The following UNC5B variants were observed in gnomAD, a reference collection of about 807,000 sequenced individuals.
UNC5B encodes netrin receptor UNC5B.
In UNC5B, 56 loss-of-function variants were observed where a neutral mutation model predicts 103.7. The ratio of observed to expected loss-of-function variants is 0.54; its 90% confidence interval spans 0.44 to 0.67. The LOEUF (loss-of-function observed/expected upper bound fraction) is 0.67. Among genes scored for constraint, UNC5B ranks in the 30% least tolerant of loss-of-function variants. The pLI, the probability that UNC5B is intolerant of heterozygous loss-of-function variation, is 0.00. For missense variants in UNC5B, 1,194 were observed against 1,284.5 expected (o/e 0.93, Z 1.08); for synonymous variants, 577 against 542.0 (o/e 1.06, Z -0.90).
chr10:71,243,507 A>G (rs2132261574), intron 1 of UNC5B, among the ~76,000 whole-genome samples: 1 of 152,346 alleles, frequency 6.6e-6, no homozygotes, highest in East Asian at 1.9e-4. Flanking sequence ...AAGTTTAAAC[A>G]GCCACATATG....
chr10:71,293,534 CTTTCAG>C lies in UNC5B; in HGVS notation c.1903_1908del (p.Phe635_Gln636del). 1 of 1,613,984 alleles carries C rather than the reference CTTTCAG, an allele frequency of 6.2e-7. No homozygotes were observed. The highest frequency in any genetic ancestry group is 8.5e-7 in the Non-Finnish European group (1 of 1,180,028). On this transcript the variant is annotated inframe_deletion, in exon 12 of 17. Coordinates refer to ENST00000335350, the MANE Select transcript of UNC5B (RefSeq NM_170744.5). ...CCGAAGTCAGTGCCCGTGACTGGAT[CTTTCAG>C]CTCAAGACCCAGGCCCACCAGGGCC...
In UNC5B at chr10:71,296,586, C is replaced by T. The variant is rs749551715; in HGVS notation, c.2334C>T (p.Pro778=). ...SKLLAKYQEI[P]FYHIWSGSQK... is the part of the protein sequence containing the mutation. ...ACCCCCTCCTCCTGCAGGAGATCCC[C>T]TTCTATCACATTTGGAGTGGCAGCC... is the stretch of plus-strand genomic sequence containing the variant. Residue 778 remains proline (P), a synonymous_variant, in exon 15 of 17, where the codon CCC becomes CCT. Transcript: ENST00000335350. 24 of 1,613,714 alleles carry T rather than the reference C, an allele frequency of 1.5e-5. 1 individual carries two copies. In the African/African-American group the frequency reaches 2.4e-4, roughly 16 times the overall value.
At chr10:71,297,761 G>A in intron 15 of UNC5B, 148 bp from the exon 16 acceptor site, 1 of 908,460 alleles carries the variant, frequency 1.1e-6, no homozygotes, top group South Asian at 2.0e-5. Flanking sequence ...ACCCTTCAAG[G>A]GAGAAGCCCC....
intron 1 of UNC5B, among the ~76,000 whole-genome samples, chr10:71,257,534 C>T (rs1418586923): frequency 6.6e-6 from 1 of 152,254 alleles, no homozygotes; most frequent in East Asian, 1.9e-4. Context: ...AGGCATATCC[C>T]TGACTGGGTG....
At chr10:71,279,692 G>A (rs1348394156) in intron 1 of UNC5B, 129 bp from the exon 2 acceptor site, 3 of 969,516 alleles carry the variant, frequency 3.1e-6, no homozygotes, top group South Asian at 3.3e-5. Context: ...ACGTCCCCAG[G>A]AGGGCTCTGG....
At chr10:71,216,146 ACT>A (rs1248131066) in intron 1 of UNC5B, among the ~76,000 whole-genome samples, 1 of 152,032 alleles carries the variant, frequency 6.6e-6, no homozygotes, top group Non-Finnish European at 1.5e-5. Flanking sequence ...TCACACTGGG[ACT>A]CACCGGTAGC....
At chr10:71,250,074 C>A (rs991392966) in intron 1 of UNC5B, among the ~76,000 whole-genome samples, 4 of 152,238 alleles carry the variant, frequency 2.6e-5, no homozygotes, top group African/African-American at 9.6e-5. Flanking sequence ...GGCATCTCAC[C>A]ACTCTTGAGC....
intron 16 of UNC5B, among the ~76,000 whole-genome samples, chr10:71,298,619 T>A (rs974170908): frequency 1.3e-5 from 2 of 152,012 alleles, no homozygotes; most frequent in African/African-American, 4.8e-5. Flanking sequence ...AAAAAATAAA[T>A]AAATAAAATA....
intron 16 of UNC5B, among the ~76,000 whole-genome samples, chr10:71,298,635 T>C (rs1170431091): frequency 6.6e-6 from 1 of 152,172 alleles, no homozygotes; most frequent in Non-Finnish European, 1.5e-5. Context: ...AAATATGCTT[T>C]AGATAAGACA....
chr10:71,275,031 G>A (rs1448450599), intron 1 of UNC5B, among the ~76,000 whole-genome samples: 1 of 152,202 alleles, frequency 6.6e-6, no homozygotes, highest in Non-Finnish European at 1.5e-5. Flanking sequence ...CAGGGCCTGG[G>A]AGAGAATGGC....
intron 1 of UNC5B, among the ~76,000 whole-genome samples, chr10:71,255,463 C>G (rs1844269089): frequency 6.6e-6 from 1 of 152,148 alleles, no homozygotes; most frequent in Non-Finnish European, 1.5e-5. Context: ...CACCGGCTGT[C>G]ACTGATTATG....
chr10:71,285,278 T>C (rs1287100825), intron 3 of UNC5B, 48 bp from the exon 4 acceptor site: 1 of 1,546,108 alleles, frequency 6.5e-7, no homozygotes, highest in Non-Finnish European at 8.8e-7. Context: ...CATCAGGTTC[T>C]GATCCTGCCC....
intron 1 of UNC5B, among the ~76,000 whole-genome samples, chr10:71,215,860 T>G (rs1437112096): frequency 1.3e-5 from 2 of 151,806 alleles, no homozygotes; most frequent in African/African-American, 4.8e-5. Flanking sequence ...TGCATGCGCC[T>G]GTGCACACAC....
At chr10:71,251,531 G>A (rs1032050213) in intron 1 of UNC5B, among the ~76,000 whole-genome samples, 7 of 152,150 alleles carry the variant, frequency 4.6e-5, no homozygotes, top group African/African-American at 1.7e-4. Context: ...TCCACAATGG[G>A]AAATAAGAAT....
At chr10:71,266,212 CA>C (rs202206721) in intron 1 of UNC5B, among the ~76,000 whole-genome samples, 1,965 of 152,274 alleles carry the variant, frequency 0.013, 27 homozygotes, top group Non-Finnish European at 0.019. Context: ...GGCTCAGAGG[CA>C]GGGGGTGGTT....
chr10:71,225,613 C>G (rs1313223212), intron 1 of UNC5B, among the ~76,000 whole-genome samples: 1 of 152,260 alleles, frequency 6.6e-6, no homozygotes, highest in Non-Finnish European at 1.5e-5. Flanking sequence ...TACATAATCC[C>G]TCGGCCGGCT....
In UNC5B at chr10:71,291,566, T is replaced by C; in HGVS notation, c.1429T>C (p.Leu477=). The change falls in exon 10 of 17, where the codon TTA becomes CTA. Residue 477 remains leucine, a synonymous_variant. Coordinates refer to ENST00000335350, the MANE Select transcript of UNC5B (RefSeq NM_170744.5). Reference sequence around the variant, plus strand: ...GACCAACTCTCCTCTGCTGGACCCCTTACCCAGCCTTAAGGTCAAGGTCTA... The same window carrying C: ...GACCAACTCTCCTCTGCTGGACCCCCTACCCAGCCTTAAGGTCAAGGTCTA... ...PMTNSPLLDP[L]PSLKVKVYSS... is the part of the protein sequence containing the mutation. 6.2e-7 allele frequency: 1 copy of C among 1,614,046 alleles called. No homozygotes were observed. Among genetic ancestry groups the C allele is most frequent in the East Asian group, 2.2e-5 (1 of 44,876 alleles).
rs570101133 is a variant in UNC5B, at chr10:71,241,924, AG to A, written c.79+28863del. 5.6e-3 allele frequency among the ~76,000 whole-genome samples: 856 copies of A among 152,234 alleles called. 6 individuals are homozygous for A. Among genetic ancestry groups the A allele is most frequent in the Non-Finnish European group, 0.01 (707 of 67,960 alleles). ...CACCTCCTATGTGATTACAGCCTGG[AG>A]GGAATGTGGGGCTGGCCTAGAGTCA... On this transcript the variant is annotated intron_variant, in intron 1 of 16. Transcript: ENST00000335350.
chr10:71,264,876 G>A (rs1844489394), intron 1 of UNC5B, among the ~76,000 whole-genome samples: 1 of 151,302 alleles, frequency 6.6e-6, no homozygotes, highest in South Asian at 2.1e-4. Flanking sequence ...GCTCGTACCT[G>A]TAATCCCAGC....
Sources: gnomAD v4.1 joint callset for allele counts (sites outside exome capture counted in the v4.1 genomes callset) on GRCh38, gnomAD v4.1.1 for gene constraint, MANE v1.5 for transcripts, NCBI Gene and HGNC (gene_info 2026-07-23, HGNC 2026-07-21) for gene names.